Variants in BTBD3 observed in about 807,000 individuals in gnomAD.
BTBD3 encodes the protein BTB domain containing 3, also known as BTB/POZ domain-containing protein 3.
BTBD3 carries 14 observed loss-of-function variants against 41.6 expected under a neutral mutation model. The observed-to-expected ratio is 0.34, with a 90% CI of 0.22 to 0.53. The LOEUF (loss-of-function observed/expected upper bound fraction) is 0.53. Among genes scored for constraint, BTBD3 ranks in the 20% least tolerant of loss-of-function variants. The pLI is 0.95. For missense variants in BTBD3, 426 were observed against 654.7 expected (o/e 0.65, Z 3.81); for synonymous variants, 249 against 233.7 (o/e 1.07, Z -0.60).
intron 1 of BTBD3, among the ~76,000 whole-genome samples, chr20:11,894,374 C>CTA (rs2056773884): frequency 6.6e-6 from 1 of 152,174 alleles, no homozygotes; most frequent in East Asian, 1.9e-4. Flanking sequence ...ATTGCTTATG[C>CTA]CATAACATTC....
chr20:11,922,565 T>A, intron 3 of BTBD3, 69 bp from the exon 4 acceptor site: 1 of 1,405,188 alleles, frequency 7.1e-7, no homozygotes, highest in East Asian at 2.3e-5. Flanking sequence ...TTGAAAGTGG[T>A]TGTATCTTTT....
intron 1 of BTBD3, chr20:11,909,536 TGTTTAA>T (rs2122239801): frequency 6.6e-6 from 1 of 152,302 alleles, no homozygotes; most frequent in South Asian, 2.1e-4. Context: ...ACTTCATGTA[TGTTTAA>T]GTTTTCCCAC....
At chr20:11,909,898 G>A (rs1209926365) in intron 1 of BTBD3, 1 of 152,204 alleles carries the variant, frequency 6.6e-6, no homozygotes, top group African/African-American at 2.4e-5. Flanking sequence ...TCAGGTGTTT[G>A]GTGTTGATGG....
At chr20:11,894,448 T>A (rs1445148991) in intron 1 of BTBD3, among the ~76,000 whole-genome samples, 1 of 152,188 alleles carries the variant, frequency 6.6e-6, no homozygotes. Flanking sequence ...TCTTTCCTGA[T>A]TTTTCTATAA....
At position 11,923,185 on chromosome 20, in the gene BTBD3, T is replaced by G. The variant is rs1462048731; in HGVS notation, c.1088T>G (p.Val363Gly). Residue 363 changes from valine to glycine, a missense_variant, in exon 4 of 4, where the codon GTG becomes GGG. Around this residue, in one of 3 missense-constraint regions of BTBD3, gnomAD observed 321 missense variants for 534.8 expected, o/e 0.60. Transcript: ENST00000378226. The surrounding 1 kb of genome is among the most constrained non-coding windows in gnomAD (Gnocchi z 5.3). The part of the protein sequence containing the change: ...TAAKKPELQF[V>G]SKARKGLVPQ... The stretch of plus-strand genomic sequence containing the variant: ...GCCAAAAAGCCTGAGCTTCAGTTTG[T>G]GAGTAAAGCCCGTAAGGGCCTTGTC... 1.9e-6 allele frequency: 3 copies of G among 1,614,216 alleles called. No homozygotes were observed. In the South Asian group the frequency reaches 3.3e-5, roughly 18 times the overall value.
chr20:11,926,311 G>T lies in BTBD3; in HGVS notation c.*2645G>T, dbSNP rs1471758011. ...CATTCTTTAAGCATATCTTAAAATA[G>T]TATTTAAGTAAATGGTCTAATTTCT... On this transcript the variant is annotated 3_prime_UTR_variant, in exon 4 of 4. Transcript: ENST00000378226. 1 of 152,644 alleles carries T rather than the reference G, an allele frequency of 6.6e-6. No individual in the cohort carries two copies. The highest frequency in any genetic ancestry group is 2.4e-5 in the African/African-American group (1 of 41,442). The allele number at this position is 152,644 out of a possible 1,614,324, so 9.5% of individuals were successfully genotyped here. A position where few individuals can be genotyped will look rare whatever the true frequency, so the allele number is the denominator to read the frequency against.
chr20:11,893,451 C>T (rs6040967), intron 1 of BTBD3, among the ~76,000 whole-genome samples: 51,267 of 152,052 alleles, frequency 0.34, 8,778 homozygotes, highest in Non-Finnish European at 0.37. Flanking sequence ...GTAGTTCCAG[C>T]AGTGATGCTG....
chr20:11,910,562 C>T (rs945108246), intron 1 of BTBD3: 2 of 152,166 alleles, frequency 1.3e-5, no homozygotes, highest in Non-Finnish European at 2.9e-5. Context: ...TAATGTTTCT[C>T]TCTCTTAAGC....
At position 11,924,419 on chromosome 20, in the gene BTBD3, T is replaced by TA; in HGVS notation, c.*756dup. 6.6e-6 allele frequency: 1 copy of TA among 152,426 alleles called. No homozygotes were observed. The highest frequency in any genetic ancestry group is 1.5e-5 in the Non-Finnish European group (1 of 68,028). 9.4% of individuals were successfully genotyped at this position (152,426 alleles called of 1,614,324 possible). On this transcript the variant is annotated 3_prime_UTR_variant, in exon 4 of 4. Coordinates refer to ENST00000378226, the MANE Select transcript of BTBD3 (RefSeq NM_014962.4). The stretch of plus-strand genomic sequence containing the variant: ...GATTTTATTGTCAGTAGAAAAAAGT[T>TA]AAACTCCTACTAATTTAAACTAAGA...
chr20:11,898,978 T>C (rs889558953), intron 1 of BTBD3, among the ~76,000 whole-genome samples: 2 of 152,204 alleles, frequency 1.3e-5, no homozygotes, highest in Non-Finnish European at 2.9e-5. Context: ...CAAGAGTAGG[T>C]GTGGCATCAC....
At chr20:11,896,382 G>GT (rs1274114195) in intron 1 of BTBD3, among the ~76,000 whole-genome samples, 1 of 152,066 alleles carries the variant, frequency 6.6e-6, no homozygotes, top group African/African-American at 2.4e-5. Flanking sequence ...GTTTATTTTT[G>GT]TATGTTCCCA....
At chr20:11,907,470 G>A (rs982137795) in intron 1 of BTBD3, among the ~76,000 whole-genome samples, 2 of 152,228 alleles carry the variant, frequency 1.3e-5, no homozygotes, top group African/African-American at 2.4e-5. Context: ...GGACTTGGAA[G>A]TGTTGGGCTT....
chr20:11,916,528 G>C (rs77044273), upstream of BTBD3, among the ~76,000 whole-genome samples: 4,308 of 152,302 alleles, frequency 0.028, 74 homozygotes, highest in Non-Finnish European at 0.044. Context: ...TTCTCTTACA[G>C]AGGCTTTGCA....
chr20:11,893,081 A>G (rs2056766079), intron 1 of BTBD3, among the ~76,000 whole-genome samples: 1 of 152,192 alleles, frequency 6.6e-6, no homozygotes, highest in South Asian at 2.1e-4. Context: ...TTAATGCTCA[A>G]AACAGGTATG....
At chr20:11,916,381 T>C (rs1156975857), upstream of BTBD3, among the ~76,000 whole-genome samples, 5 of 152,196 alleles carry the variant, frequency 3.3e-5, no homozygotes, top group Non-Finnish European at 7.3e-5. Flanking sequence ...ACATTGTGTG[T>C]TAAAGTGTGT....
At chr20:11,916,615 A>G (rs1396984974), upstream of BTBD3, among the ~76,000 whole-genome samples, 1 of 152,168 alleles carries the variant, frequency 6.6e-6, no homozygotes, top group East Asian at 1.9e-4. Context: ...GGATTTAAAG[A>G]CTGATTTCTG....
upstream of BTBD3, among the ~76,000 whole-genome samples, chr20:11,915,241 C>T (rs1177618138): frequency 6.6e-6 from 1 of 152,152 alleles, no homozygotes; most frequent in African/African-American, 2.4e-5. Flanking sequence ...CGCTTCCTTT[C>T]CAGAGAATAT....
intron 1 of BTBD3, among the ~76,000 whole-genome samples, chr20:11,897,735 C>T (rs2056796387): frequency 6.6e-6 from 1 of 152,180 alleles, no homozygotes; most frequent in Admixed American, 6.5e-5. Flanking sequence ...TCCCTGGCTT[C>T]TCTTTGATTT....
intron 3 of BTBD3, 96 bp downstream of exon 3, chr20:11,919,932 G>T: frequency 9.8e-7 from 1 of 1,016,314 alleles, no homozygotes. Context: ...TAACAGAAAA[G>T]AAGACTGATG....
Sources: gnomAD v4.1 joint callset for allele counts (sites outside exome capture counted in the v4.1 genomes callset) on GRCh38, gnomAD v4.1.1 for gene constraint, gnomAD v4.1.1 regional missense constraint, Gnocchi (gnomAD v3.1) non-coding constraint, MANE v1.5 for transcripts, NCBI Gene and HGNC (gene_info 2026-07-23, HGNC 2026-07-21) for gene names.